The following VPS13B variants were observed in gnomAD, a reference collection of about 807,000 sequenced individuals.
VPS13B encodes the protein intermembrane lipid transfer protein VPS13B.
Under a neutral mutation model 426.4 loss-of-function variants are expected in VPS13B, and 285 were observed. That is an observed-to-expected ratio of 0.67 (90% CI 0.61 to 0.74). The LOEUF is 0.74. VPS13B is among the 30% of genes least tolerant of loss of function. The pLI is 0.00. For missense variants in VPS13B, 4,537 were observed against 4,782.6 expected (o/e 0.95, Z 1.51); for synonymous variants, 1,676 against 1,676.4 (o/e 1.00, Z 0.01).
At chr8:99,073,279 T>C (rs966807023) in intron 3 of VPS13B, among the ~76,000 whole-genome samples, 1 of 152,204 alleles carries the variant, frequency 6.6e-6, no homozygotes, top group Admixed American at 6.5e-5. Context: ...GTCACTGGTA[T>C]TTCAATAGGG....
At position 99,151,006 on chromosome 8, in the gene VPS13B, A is replaced by G. The variant is rs138442197; in HGVS notation, c.2013+2996A>G. Among the ~76,000 whole-genome samples the G allele has an allele frequency of 5.8e-3, 883 of 152,324 alleles. 5 individuals are homozygous for G. The highest frequency in any genetic ancestry group is 0.01 in the Middle Eastern group (3 of 294). ...TGATTTTGCATCCCTGCCAGCAGTG[A>G]ATAAGAGTTCCTGTTTCTCCACATC... On this transcript the variant is annotated intron_variant, in intron 14 of 61. Coordinates refer to ENST00000357162, the MANE Select transcript of VPS13B (RefSeq NM_152564.5).
chr8:99,175,717 A>G (rs1031361217), intron 16 of VPS13B, among the ~76,000 whole-genome samples: 56 of 152,312 alleles, frequency 3.7e-4, no homozygotes, highest in African/African-American at 1.3e-3. Flanking sequence ...TGATCATGCC[A>G]CTGCTCTCCA....
intron 8 of VPS13B, among the ~76,000 whole-genome samples, chr8:99,126,529 T>TC (rs1434646864): frequency 1.3e-5 from 2 of 152,152 alleles, no homozygotes; most frequent in Non-Finnish European, 2.9e-5. Flanking sequence ...AACTGAGAAA[T>TC]CAGACTTTTG....
chr8:99,297,069 CATTTCTCA>C (rs1324822774), intron 19 of VPS13B, among the ~76,000 whole-genome samples: 1 of 151,966 alleles, frequency 6.6e-6, no homozygotes. Flanking sequence ...ATGTGAAATA[CATTTCTCA>C]ACAAATTCAG....
At chr8:99,539,932 T>G (rs1823468429) in intron 30 of VPS13B, among the ~76,000 whole-genome samples, 1 of 144,360 alleles carries the variant, frequency 6.9e-6, no homozygotes, top group Non-Finnish European at 1.5e-5. Flanking sequence ...CATATTTATA[T>G]TTATACATTA....
intron 7 of VPS13B, among the ~76,000 whole-genome samples, chr8:99,117,985 A>G (rs1376453980): frequency 1.3e-5 from 2 of 152,174 alleles, no homozygotes; most frequent in African/African-American, 4.8e-5. Flanking sequence ...AGCATAGAGA[A>G]CAACATTAAT....
intron 17 of VPS13B, among the ~76,000 whole-genome samples, chr8:99,251,125 G>A (rs1817485726): frequency 6.6e-6 from 1 of 151,834 alleles, no homozygotes; most frequent in African/African-American, 2.4e-5. Flanking sequence ...TTGCTTTTTT[G>A]TTTGTTTTTT....
At chr8:99,649,312 A>G (rs180718053) in intron 34 of VPS13B, among the ~76,000 whole-genome samples, 1 of 152,106 alleles carries the variant, frequency 6.6e-6, no homozygotes, top group African/African-American at 2.4e-5. Context: ...TTTTCTTCAA[A>G]TAGTCTTTCT....
At chr8:99,050,909 C>T (rs1843510268) in intron 3 of VPS13B, among the ~76,000 whole-genome samples, 1 of 152,082 alleles carries the variant, frequency 6.6e-6, no homozygotes, top group Non-Finnish European at 1.5e-5. Flanking sequence ...TGTTTGAGTT[C>T]ATTGTAGATT....
chr8:99,756,177 C>T (rs1810632771), intron 39 of VPS13B, among the ~76,000 whole-genome samples: 1 of 152,068 alleles, frequency 6.6e-6, no homozygotes, highest in South Asian at 2.1e-4. Flanking sequence ...AAAACAAGTA[C>T]AAATTCCAGA....
intron 2 of VPS13B, among the ~76,000 whole-genome samples, chr8:99,035,766 G>A (rs965682979): frequency 6.6e-6 from 1 of 152,084 alleles, no homozygotes; most frequent in African/African-American, 2.4e-5. Flanking sequence ...TGTAGCAGTT[G>A]TACCATTTTA....
intron 43 of VPS13B, 35 bp downstream of exon 43, chr8:99,784,511 T>A (rs757559175): frequency 1.2e-6 from 2 of 1,612,964 alleles, no homozygotes; most frequent in South Asian, 2.2e-5. Flanking sequence ...CAGCCATTGT[T>A]AAGGTTGGGG....
chr8:99,178,154 ATTTTAT>A (rs1812739528), intron 16 of VPS13B, among the ~76,000 whole-genome samples: 1 of 146,646 alleles, frequency 6.8e-6, no homozygotes, highest in African/African-American at 2.6e-5. Flanking sequence ...TTTATTTTTT[ATTTTAT>A]TTTTTTTTTA....
chr8:99,835,462 T>C, intron 53 of VPS13B, 77 bp from the exon 54 acceptor site: 1 of 1,538,858 alleles, frequency 6.5e-7, no homozygotes, highest in South Asian at 1.1e-5. Flanking sequence ...AGAAGTTTCT[T>C]TTGCCACATT....
At chr8:99,728,416 G>A (rs1025746705) in intron 39 of VPS13B, among the ~76,000 whole-genome samples, 7 of 152,148 alleles carry the variant, frequency 4.6e-5, no homozygotes, top group South Asian at 2.1e-4. Context: ...AGCATTTAGC[G>A]TAATGCCTTA....
intron 6 of VPS13B, among the ~76,000 whole-genome samples, chr8:99,114,727 T>G (rs1413453913): frequency 1.3e-5 from 2 of 152,190 alleles, no homozygotes; most frequent in Non-Finnish European, 2.9e-5. Context: ...CCCCATATAG[T>G]TTTCTCCCCC....
At chr8:99,273,058 G>C (rs1316306428) in intron 17 of VPS13B, among the ~76,000 whole-genome samples, 3 of 151,826 alleles carry the variant, frequency 2.0e-5, no homozygotes, top group African/African-American at 4.8e-5. Context: ...GGACACTTCT[G>C]CTCCCAAGTA....
chr8:99,529,791 T>C (rs935469434), intron 30 of VPS13B, among the ~76,000 whole-genome samples: 2 of 152,216 alleles, frequency 1.3e-5, no homozygotes, highest in Non-Finnish European at 2.9e-5. Context: ...TTAAACATTG[T>C]TTATCAATTC....
intron 3 of VPS13B, among the ~76,000 whole-genome samples, chr8:99,055,042 T>TTG (rs1554587171): frequency 2.7e-5 from 2 of 73,304 alleles, no homozygotes; most frequent in Non-Finnish European, 6.2e-5. Context: ...TGTTTTTTTT[T>TTG]TGTTTTTTTT....
Sources: gnomAD v4.1 joint callset for allele counts (sites outside exome capture counted in the v4.1 genomes callset) on GRCh38, gnomAD v4.1.1 for gene constraint, MANE v1.5 for transcripts, NCBI Gene and HGNC (gene_info 2026-07-23, HGNC 2026-07-21) for gene names.